The following C1orf94 variants were observed in gnomAD, a reference collection of about 807,000 sequenced individuals.
C1orf94 encodes the protein chromosome 1 open reading frame 94.
A neutral mutation model predicts 53.6 loss-of-function variants in C1orf94; 45 were observed. That is an observed-to-expected ratio of 0.84 (90% CI 0.66 to 1.08). C1orf94 has a LOEUF of 1.08. C1orf94 is among the 50% of genes least tolerant of loss of function. C1orf94 has a pLI of 0.00. For synonymous variants in C1orf94, 304 were observed against 296.1 expected, an observed-to-expected ratio of 1.03 and a Z score of -0.27; for missense variants, 762 against 738.9, an observed-to-expected ratio of 1.03 and a Z score of -0.36.
rs116233761 is a variant in C1orf94, at chr1:34,205,913, C to T, written c.1447-2244C>T. Reference sequence around the variant, plus strand: ...TGCTCCCAATGAAGGAGGGAGGGTGCGTGGGAAGGGACCATGGCTTAAGCA... The same window carrying T: ...TGCTCCCAATGAAGGAGGGAGGGTGTGTGGGAAGGGACCATGGCTTAAGCA... On this transcript the variant is annotated intron_variant, in intron 4 of 6. Coordinates refer to ENST00000488417, the MANE Select transcript of C1orf94 (RefSeq NM_001134734.2). 4.5e-3 allele frequency among the ~76,000 whole-genome samples: 689 copies of T among 152,244 alleles called. 10 individuals carry two copies. Among genetic ancestry groups the T allele is most frequent in the African/African-American group, 0.016 (655 of 41,542 alleles).
At chr1:34,169,907 A>G (rs1017034236) in intron 1 of C1orf94, among the ~76,000 whole-genome samples, 11 of 152,254 alleles carry the variant, frequency 7.2e-5, no homozygotes, top group African/African-American at 2.4e-4. Flanking sequence ...CACCAAGGTG[A>G]GGCTGTGGGC....
chr1:34,187,609 C>T lies in C1orf94; in HGVS notation c.320+9500C>T, dbSNP rs550798885. On this transcript the variant is annotated intron_variant, in intron 1 of 6. Coordinates refer to ENST00000488417, the MANE Select transcript of C1orf94 (RefSeq NM_001134734.2). Reference sequence around the variant, plus strand: ...CATTAAAAAAAAAAAACACCTCTTCCTTAGGGTAAGCCTTCCCTTATTAAA... The same window carrying T: ...CATTAAAAAAAAAAAACACCTCTTCTTTAGGGTAAGCCTTCCCTTATTAAA... Among the ~76,000 whole-genome samples, 11 of 151,968 alleles carry T rather than the reference C, an allele frequency of 7.2e-5. No individual in the cohort carries two copies. The South Asian group carries it at 1.0e-3, about 14-fold the overall frequency.
At chr1:34,202,613 C>G (rs575932574) in intron 4 of C1orf94, among the ~76,000 whole-genome samples, 126 of 152,292 alleles carry the variant, frequency 8.3e-4, no homozygotes, top group Non-Finnish European at 1.3e-3. Context: ...TGGTTAAGTG[C>G]TTGGGCTCCC....
upstream of C1orf94, among the ~76,000 whole-genome samples, chr1:34,172,576 G>T (rs972568663): frequency 1.3e-5 from 2 of 152,188 alleles, no homozygotes; most frequent in Non-Finnish European, 1.5e-5. Flanking sequence ...AAGTGTGTCA[G>T]CTGCCACCAC....
At chr1:34,190,713 A>C (rs769164560) in intron 1 of C1orf94, among the ~76,000 whole-genome samples, 1 of 152,232 alleles carries the variant, frequency 6.6e-6, no homozygotes, top group Non-Finnish European at 1.5e-5. Flanking sequence ...AGATTGCCTC[A>C]GATCACTGGC....
intron 2 of C1orf94, among the ~76,000 whole-genome samples, chr1:34,198,884 G>C (rs569143717): frequency 1.3e-5 from 2 of 152,324 alleles, no homozygotes; most frequent in Admixed American, 1.3e-4. Flanking sequence ...CTGTAGGAGA[G>C]AGACGGTTGA....
chr1:34,192,526 G>A (rs994994972), intron 1 of C1orf94, among the ~76,000 whole-genome samples: 2 of 152,178 alleles, frequency 1.3e-5, no homozygotes, highest in Admixed American at 1.3e-4. Flanking sequence ...AACACATCCC[G>A]ACTGAGCTGG....
Position 34,212,309 on chromosome 1 carries a change from T to C in C1orf94, c.1624T>C (p.Tyr542His). The C allele has an allele frequency of 6.2e-7, 1 of 1,613,984 alleles. No individual in the cohort carries two copies. The highest frequency in any genetic ancestry group is 8.5e-7 in the Non-Finnish European group (1 of 1,179,994). ...CCCTTTTGTCCAGCCCAATTATCCCTACCCTCAGAGGACACCTCCAAAGAT... is the reference window on the plus strand; with the variant it reads ...CCCTTTTGTCCAGCCCAATTATCCCCACCCTCAGAGGACACCTCCAAAGAT... ...YIPFVQPNYP[Y>H]PQRTPPKMSA... The change falls in exon 6 of 7, where the codon TAC (tyrosine) becomes CAC (histidine). Residue 542 changes from tyrosine to histidine, a missense_variant. Tyr to His is a moderately conservative substitution (Grantham distance 83, BLOSUM62 2). Coordinates refer to ENST00000488417, the MANE Select transcript of C1orf94 (RefSeq NM_001134734.2).
Position 34,197,722 on chromosome 1 carries a change from A to G in C1orf94, c.818A>G (p.Asn273Ser). The G allele has an allele frequency of 6.2e-7, 1 of 1,614,066 alleles. No individual in the cohort carries two copies. Among genetic ancestry groups the G allele is most frequent in the East Asian group, 2.2e-5 (1 of 44,864 alleles). Residue 273 changes from asparagine to serine, a missense_variant, in exon 2 of 7, where the codon AAC becomes AGC. Physicochemically the swap from Asn to Ser is conservative, Grantham distance 46 (BLOSUM62 1). Transcript: ENST00000488417. The surrounding 1 kb of genome is among the most constrained non-coding windows in gnomAD (Gnocchi z 4.1). The stretch of plus-strand genomic sequence containing the variant: ...GTCACCAAGGACTTCCTACAGGACA[A>G]CCTGTTCAGTGGCCCTGGACCCAAG... ...TRVTKDFLQD[N>S]LFSGPGPKEP...
At position 34,218,890 on chromosome 1, in the gene C1orf94, C is replaced by A; in HGVS notation, c.*129C>A. 1.5e-6 allele frequency: 1 copy of A among 672,462 alleles called. No individual in the cohort carries two copies. Among genetic ancestry groups the A allele is most frequent in the Non-Finnish European group, 2.3e-6 (1 of 426,458 alleles). The allele number at this position is 672,462 out of a possible 1,614,324, so 41.7% of individuals were successfully genotyped here. On this transcript the variant is annotated 3_prime_UTR_variant, in exon 7 of 7. Coordinates refer to ENST00000488417, the MANE Select transcript of C1orf94 (RefSeq NM_001134734.2). ...TCTGACCAGGTCACAGACAAAACAG[C>A]AAGACCAGATTCATCTATTGGCCAA...
chr1:34,205,041 C>T (rs1642769932), intron 4 of C1orf94, among the ~76,000 whole-genome samples: 1 of 152,154 alleles, frequency 6.6e-6, no homozygotes, highest in East Asian at 1.9e-4. Flanking sequence ...AACTAATTTG[C>T]AATGGTTTGC....
rs1224721920 is a variant in C1orf94 at position 34,177,729 on chromosome 1, G to T, written c.-61G>T. On this transcript the variant is annotated 5_prime_UTR_variant, in exon 1 of 7. Transcript: ENST00000488417. Reference sequence around the variant, plus strand: ...CTGAACCTAACCACCTTGCTGGAGCGAAAGCCAGACAGAACTGACCCACTT... The same window carrying T: ...CTGAACCTAACCACCTTGCTGGAGCTAAAGCCAGACAGAACTGACCCACTT... 3.5e-6 allele frequency: 5 copies of T among 1,441,194 alleles called. No homozygotes were observed. The highest frequency in any genetic ancestry group is 1.4e-5 in the African/African-American group (1 of 69,716). 89.3% of individuals were successfully genotyped at this position (1,441,194 alleles called of 1,614,324 possible). A position where few individuals can be genotyped will look rare whatever the true frequency, so the allele number is the denominator to read the frequency against.
At chr1:34,205,344 C>G (rs1327046124) in intron 4 of C1orf94, among the ~76,000 whole-genome samples, 4 of 152,170 alleles carry the variant, frequency 2.6e-5, no homozygotes, top group Non-Finnish European at 5.9e-5. Flanking sequence ...TTACCTTCTC[C>G]CAGCTTCTGT....
In C1orf94 at chr1:34,177,606, A is replaced by T; in HGVS notation, c.-184A>T. The T allele has an allele frequency of 1.8e-6, 1 of 552,360 alleles. No individual in the cohort carries two copies. The allele number at this position is 552,360 out of a possible 1,614,324, so 34.2% of individuals were successfully genotyped here. Reference sequence around the variant, plus strand: ...TAAGGGAGAGGGGGAGGGAGGCAAAAGTCAGGAAAGAGCAAATAAAAACAA... The same window carrying T: ...TAAGGGAGAGGGGGAGGGAGGCAAATGTCAGGAAAGAGCAAATAAAAACAA... On this transcript the variant is annotated 5_prime_UTR_variant, in exon 1 of 7. It adds an upstream start codon to the 5' untranslated region. Transcript: ENST00000488417.
At chr1:34,216,001 A>T (rs1642981617) in intron 6 of C1orf94, among the ~76,000 whole-genome samples, 1 of 152,160 alleles carries the variant, frequency 6.6e-6, no homozygotes, top group South Asian at 2.1e-4. Flanking sequence ...GCACAACTCC[A>T]TCTCAAAAAC....
chr1:34,187,611 T>C (rs1336333384), intron 1 of C1orf94, among the ~76,000 whole-genome samples: 3 of 152,042 alleles, frequency 2.0e-5, no homozygotes, highest in Non-Finnish European at 4.4e-5. Flanking sequence ...ACCTCTTCCT[T>C]AGGGTAAGCC....
intron 4 of C1orf94, among the ~76,000 whole-genome samples, chr1:34,206,477 C>T (rs904300830): frequency 6.6e-6 from 1 of 152,192 alleles, no homozygotes; most frequent in African/African-American, 2.4e-5. Flanking sequence ...ATGGAATGCT[C>T]CCAGCAGAGA....
At chr1:34,181,521 AC>A (rs1479780853) in intron 1 of C1orf94, among the ~76,000 whole-genome samples, 1 of 152,234 alleles carries the variant, frequency 6.6e-6, no homozygotes, top group Non-Finnish European at 1.5e-5. Context: ...TATTTATTAA[AC>A]ATCTACTATA....
chr1:34,181,982 C>T (rs1322603093), intron 1 of C1orf94, among the ~76,000 whole-genome samples: 1 of 152,010 alleles, frequency 6.6e-6, no homozygotes, highest in Non-Finnish European at 1.5e-5. Flanking sequence ...ACGCTTGAGC[C>T]CAGGAGTTCA....
Sources: allele counts gnomAD v4.1 joint callset (sites outside exome capture counted in the v4.1 genomes callset), GRCh38; gene constraint gnomAD v4.1.1; non-coding constraint Gnocchi (gnomAD v3.1); transcripts MANE v1.5; gene names NCBI Gene and HGNC (gene_info 2026-07-23, HGNC 2026-07-21).